TIA1: variants seen among roughly 807,000 people sequenced by gnomAD.
TIA1 encodes the protein cytotoxic granule associated RNA binding protein TIA1.
In TIA1, 23 loss-of-function variants were observed where a neutral mutation model predicts 65.9. The ratio of observed to expected loss-of-function variants is 0.35; its 90% confidence interval spans 0.25 to 0.49. TIA1 has a LOEUF of 0.49. Among genes scored for constraint, TIA1 ranks in the 20% least tolerant of loss-of-function variants. The pLI is 0.98. For synonymous variants in TIA1, 147 were observed against 149.4 expected (o/e 0.98, Z 0.12); for missense variants, 371 against 477.9 (o/e 0.78, Z 2.09).
chr2:70,216,416 A>C lies in TIA1; in HGVS notation c.667T>G (p.Ser223Ala). ...AAGGCTCCCATACCTGTTAGCCCAG[A>C]AGTAACACCTCCACAGTATACAGTA... ...NCTVYCGGVT[S>A]GLTEQLMRQT... Residue 223 changes from serine (S) to alanine (A), a missense_variant, in exon 9 of 13, where the codon TCT (serine) becomes GCT (alanine). Coordinates refer to ENST00000433529, the MANE Select transcript of TIA1 (RefSeq NM_022173.4). 6.2e-7 allele frequency: 1 copy of C among 1,612,400 alleles called. No homozygotes were observed. The highest frequency in any genetic ancestry group is 8.5e-7 in the Non-Finnish European group (1 of 1,179,476).
intron 1 of TIA1, among the ~76,000 whole-genome samples, chr2:70,238,416 G>A (rs917560411): frequency 2.0e-5 from 3 of 149,852 alleles, no homozygotes; most frequent in East Asian, 2.1e-4. Context: ...GGCTACAGGC[G>A]CCCGCCACCA....
intron 5 of TIA1, 91 bp downstream of exon 5, chr2:70,228,968 C>A: frequency 3.3e-6 from 1 of 302,298 alleles, no homozygotes; most frequent in East Asian, 2.4e-4. Flanking sequence ...CCTCCCGCCC[C>A]CCTCCCCCAA....
chr2:70,245,697 T>C (rs1235957222), intron 1 of TIA1, among the ~76,000 whole-genome samples: 1 of 152,154 alleles, frequency 6.6e-6, no homozygotes, highest in Admixed American at 6.5e-5. Flanking sequence ...AGTATAAACT[T>C]TCGGGAAGTT....
chr2:70,234,282 T>C (rs1687822244), intron 2 of TIA1, among the ~76,000 whole-genome samples: 1 of 152,178 alleles, frequency 6.6e-6, no homozygotes. Context: ...AGGCAGCAAA[T>C]TTTCCATAAA....
Position 70,227,763 on chromosome 2 carries a change from C to A in TIA1, c.370G>T (p.Ala124Ser). Residue 124 changes from alanine to serine, a missense_variant, in exon 6 of 13, where the codon GCT (alanine) becomes TCT (serine). By Grantham distance (99) the Ala-to-Ser change is moderately conservative. Coordinates refer to ENST00000433529, the MANE Select transcript of TIA1 (RefSeq NM_022173.4). ...SPEITTEDIK[A>S]AFAPFGRISD... ...ATTCTTCCAAATGGTGCAAAAGCAG[C>A]TTTTATATCTTCAGTTGTAATTTCT... 1.3e-6 allele frequency: 2 copies of A among 1,593,814 alleles called. No individual in the cohort carries two copies. The highest frequency in any genetic ancestry group is 1.1e-5 in the South Asian group (1 of 87,944).
At position 70,223,109 on chromosome 2, in the gene TIA1, C is replaced by T. The variant is rs189874309; in HGVS notation, c.474+1445G>A. Among the ~76,000 whole-genome samples the T allele has an allele frequency of 7.0e-4, 106 of 152,214 alleles. 1 individual carries two copies. The highest frequency in any genetic ancestry group is 3.3e-4 in the Admixed American group (5 of 15,298). On this transcript the variant is annotated intron_variant, in intron 7 of 12. Coordinates refer to ENST00000433529, the MANE Select transcript of TIA1 (RefSeq NM_022173.4). ...AGCAGAACCCTACAGTCCACAATCT[C>T]GAAAATGTGAAAAATGAGTTCCTAG...
Position 70,215,508 on chromosome 2 carries a change from T to A in TIA1, c.765-14A>T. ...TGGGAATTGAACCTATTGAAAACAATATTAAGAATCACCAATACAAATTCT... is the reference window on the plus strand; with the variant it reads ...TGGGAATTGAACCTATTGAAAACAAAATTAAGAATCACCAATACAAATTCT... On this transcript the variant is annotated splice_polypyrimidine_tract_variant and intron_variant, in intron 10 of 12. Transcript: ENST00000433529. 6.3e-7 allele frequency: 1 copy of A among 1,595,696 alleles called. No individual in the cohort carries two copies. Among genetic ancestry groups the A allele is most frequent in the Non-Finnish European group, 8.5e-7 (1 of 1,170,730 alleles).
intron 1 of TIA1, among the ~76,000 whole-genome samples, chr2:70,246,611 C>A (rs1202058718): frequency 2.0e-5 from 3 of 152,176 alleles, no homozygotes; most frequent in African/African-American, 7.2e-5. Context: ...ACAGGCCAGG[C>A]GCAGTGGCTC....
intron 1 of TIA1, among the ~76,000 whole-genome samples, chr2:70,246,171 T>C (rs1694219364): frequency 1.3e-5 from 2 of 152,126 alleles, no homozygotes; most frequent in Non-Finnish European, 2.9e-5. Context: ...TGATCCACCC[T>C]CCTCAGCCCC....
In TIA1 at chr2:70,210,932, T is replaced by C. The variant is rs950748247; in HGVS notation, c.*1787A>G. On this transcript the variant is annotated 3_prime_UTR_variant, in exon 13 of 13. Coordinates refer to ENST00000433529, the MANE Select transcript of TIA1 (RefSeq NM_022173.4). ...GAAATATCAGCACAACTGCATAGAA[T>C]TGAGCTCCAGAGAATTATACACTCG... 2 of 152,202 alleles carry C rather than the reference T, an allele frequency of 1.3e-5. No individual in the cohort carries two copies. The highest frequency in any genetic ancestry group is 4.8e-5 in the African/African-American group (2 of 41,452). The allele number at this position is 152,202 out of a possible 1,614,324, so 9.4% of individuals were successfully genotyped here.
Position 70,209,492 on chromosome 2 carries a change from C to T in TIA1, c.*3227G>A, listed in dbSNP as rs772719605. 3 of 397,626 alleles carry T rather than the reference C, an allele frequency of 7.5e-6. No individual in the cohort carries two copies. Among genetic ancestry groups the T allele is most frequent in the Non-Finnish European group, 1.3e-5 (3 of 225,824 alleles). 24.6% of individuals were successfully genotyped at this position (397,626 alleles called of 1,614,324 possible). On this transcript the variant is annotated 3_prime_UTR_variant, in exon 13 of 13. Coordinates refer to ENST00000433529, the MANE Select transcript of TIA1 (RefSeq NM_022173.4). ...TTTTATTAAGGCTCTTAAATTGAAA[C>T]TCATCATTTTGGATGTACATTCAAA...
At chr2:70,214,632 TA>T (rs758601002) in intron 11 of TIA1, 138 bp from the exon 12 acceptor site, 8,785 of 308,838 alleles carry the variant, frequency 0.028, 220 homozygotes, top group Middle Eastern at 0.04. Context: ...AGTTGACTGC[TA>T]AAAAAAAAAA....
rs764374187 is a variant in TIA1 at position 70,212,877 on chromosome 2, G to A, written c.1035-32C>T. 4.1e-6 allele frequency: 6 copies of A among 1,451,504 alleles called. No homozygotes were observed. In the African/African-American group the frequency reaches 7.0e-5, roughly 17 times the overall value. The allele number at this position is 1,451,504 out of a possible 1,614,324, so 89.9% of individuals were successfully genotyped here. A position where few individuals can be genotyped will look rare whatever the true frequency, so the allele number is the denominator to read the frequency against. On this transcript the variant is annotated intron_variant, in intron 12 of 12. Coordinates refer to ENST00000433529, the MANE Select transcript of TIA1 (RefSeq NM_022173.4). ...GAGAATGTGAAAGAAGCAGAGGGGA[G>A]AGGAAATCCACTGATTAAAATAAAG...
rs753006284 is a variant in TIA1 at position 70,211,758 on chromosome 2, G to C, written c.*961C>G. The C allele has an allele frequency of 1.3e-5, 2 of 152,578 alleles. No individual in the cohort carries two copies. The highest frequency in any genetic ancestry group is 2.9e-5 in the Non-Finnish European group (2 of 68,032). The allele number at this position is 152,578 out of a possible 1,614,324, so 9.5% of individuals were successfully genotyped here. On this transcript the variant is annotated 3_prime_UTR_variant, in exon 13 of 13. Transcript: ENST00000433529. ...ACCTTATAAATCTCATGTCAACTCT[G>C]CATGATGCCTTGAAGGAAATGACAT...
At chr2:70,248,339 C>G (rs1224780640) in intron 1 of TIA1, 66 bp downstream of exon 1, 13 of 1,561,500 alleles carry the variant, frequency 8.3e-6, no homozygotes, top group Non-Finnish European at 1.1e-5. Context: ...GGGAGCGGCG[C>G]AGGGCCGAGG....
At chr2:70,214,322 G>C in intron 12 of TIA1, 27 bp downstream of exon 12, 1 of 1,592,880 alleles carries the variant, frequency 6.3e-7, no homozygotes, top group Non-Finnish European at 8.5e-7. Flanking sequence ...TCAAAGGTTA[G>C]TAAAGGAAGA....
chr2:70,236,717 C>T (rs927248402), intron 1 of TIA1, among the ~76,000 whole-genome samples: 1 of 152,146 alleles, frequency 6.6e-6, no homozygotes, highest in Non-Finnish European at 1.5e-5. Context: ...ATCTCCACCT[C>T]CTGGGCACAA....
intron 1 of TIA1, among the ~76,000 whole-genome samples, chr2:70,238,963 G>A (rs10451657): frequency 2.6e-5 from 4 of 152,084 alleles, no homozygotes; most frequent in African/African-American, 4.8e-5. Context: ...CAGCTACTTC[G>A]GACGCTGAGG....
At chr2:70,213,646 A>C (rs1476582751) in intron 12 of TIA1, among the ~76,000 whole-genome samples, 2 of 147,410 alleles carry the variant, frequency 1.4e-5, no homozygotes, top group Non-Finnish European at 3.0e-5. Flanking sequence ...ACCATGCCCA[A>C]CCACAAAATC....
Sources: allele counts gnomAD v4.1 joint callset (sites outside exome capture counted in the v4.1 genomes callset), GRCh38; gene constraint gnomAD v4.1.1; transcripts MANE v1.5; gene names NCBI Gene and HGNC (gene_info 2026-07-23, HGNC 2026-07-21).